PDXDC1: variants seen among roughly 807,000 people sequenced by gnomAD.
The protein encoded by PDXDC1 is pyridoxal-dependent decarboxylase domain-containing protein 1.
A neutral mutation model predicts 100.1 loss-of-function variants in PDXDC1; 42 were observed. The observed-to-expected ratio is 0.42, with a 90% CI of 0.33 to 0.54. The LOEUF (loss-of-function observed/expected upper bound fraction) is 0.54, where lower values mean the gene tolerates loss of function less well. Among genes scored for constraint, PDXDC1 ranks in the 20% least tolerant of loss-of-function variants. The pLI, the probability that PDXDC1 is intolerant of heterozygous loss-of-function variation, is 0.10. For missense variants in PDXDC1, 636 were observed against 979.2 expected, an observed-to-expected ratio of 0.65 and a Z score of 4.68; for synonymous variants, 260 against 371.7, an observed-to-expected ratio of 0.70 and a Z score of 3.46.
intron 7 of PDXDC1, 137 bp downstream of exon 7, chr16:15,008,984 T>C (rs1394964884): frequency 4.5e-6 from 4 of 894,192 alleles, no homozygotes; most frequent in African/African-American, 1.7e-5. Flanking sequence ...TTGTGTAATA[T>C]ATGCTTCTGT....
intron 12 of PDXDC1, among the ~76,000 whole-genome samples, chr16:15,021,157 A>T (rs1437153112): frequency 2.3e-4 from 35 of 152,382 alleles, no homozygotes; most frequent in Admixed American, 1.8e-3. Flanking sequence ...CAGGTGGATC[A>T]CTTAAACCTC....
intron 17 of PDXDC1, 142 bp from the exon 18 acceptor site, chr16:15,032,719 G>T: frequency 9.7e-6 from 5 of 516,110 alleles, no homozygotes; most frequent in Non-Finnish European, 1.4e-5. Context: ...CAGAAAGTTT[G>T]TGGTCTGGAG....
chr16:15,024,049 A>G (rs1308899103), intron 13 of PDXDC1, among the ~76,000 whole-genome samples: 3 of 152,274 alleles, frequency 2.0e-5, no homozygotes, highest in Non-Finnish European at 4.4e-5. Flanking sequence ...TTCCTCAGTC[A>G]TCGCTGCTCC....
intron 1 of PDXDC1, among the ~76,000 whole-genome samples, chr16:14,982,532 G>C (rs1234288064): frequency 5.9e-5 from 9 of 152,274 alleles, no homozygotes; most frequent in Admixed American, 4.6e-4. Flanking sequence ...TTGTGCCACT[G>C]CAACAGAGTG....
chr16:15,088,299 G>T (rs1446769450), intron 16 of PDXDC1, among the ~76,000 whole-genome samples: 2 of 152,092 alleles, frequency 1.3e-5, no homozygotes, highest in African/African-American at 4.8e-5. Context: ...AACATGGGGA[G>T]ACCTCATCTC....
intron 12 of PDXDC1, among the ~76,000 whole-genome samples, chr16:15,020,266 AG>A (rs2042090415): frequency 6.6e-6 from 1 of 152,296 alleles, no homozygotes; most frequent in South Asian, 2.1e-4. Context: ...GGATGGCTCG[AG>A]GAACGAATAC....
At chr16:15,001,090 C>T (rs1218761062) in intron 3 of PDXDC1, among the ~76,000 whole-genome samples, 12 of 152,246 alleles carry the variant, frequency 7.9e-5, no homozygotes, top group African/African-American at 2.9e-4. Flanking sequence ...CAAGGTGGCT[C>T]AGGCCTGTAA....
At chr16:15,144,063 G>GGCCCCAT (rs886879638), downstream of PDXDC1, among the ~76,000 whole-genome samples, 1 of 152,184 alleles carries the variant, frequency 6.6e-6, no homozygotes, top group African/African-American at 2.4e-5. Flanking sequence ...GACCCAGGGA[G>GGCCCCAT]GCCCCATGCC....
intron 16 of PDXDC1, chr16:15,136,488 G>A: frequency 2.7e-6 from 2 of 741,572 alleles, no homozygotes; most frequent in South Asian, 3.7e-5. Flanking sequence ...CTCCTCCTGA[G>A]ACTCCCCAGC....
At chr16:15,018,396 G>A (rs376198721) in intron 11 of PDXDC1, among the ~76,000 whole-genome samples, 1 of 152,366 alleles carries the variant, frequency 6.6e-6, no homozygotes, top group African/African-American at 2.4e-5. Flanking sequence ...GCGACAGAAT[G>A]AAAACGAAAC....
At chr16:15,132,351 GA>G (rs1432746685) in intron 16 of PDXDC1, among the ~76,000 whole-genome samples, 1 of 21,104 alleles carries the variant, frequency 4.7e-5, no homozygotes, top group East Asian at 1.8e-3. Flanking sequence ...GGGGCTAGGG[GA>G]GGGGGGAGGG....
intron 16 of PDXDC1, chr16:15,125,817 G>T (rs1384640351): frequency 4.0e-5 from 43 of 1,084,460 alleles, no homozygotes; most frequent in Non-Finnish European, 5.7e-5. Flanking sequence ...CCTGCAGGAC[G>T]ACAGCAGTGG....
intron 16 of PDXDC1, chr16:15,103,397 C>T: frequency 1.6e-6 from 1 of 621,476 alleles, no homozygotes; most frequent in Admixed American, 2.9e-5. Context: ...CCGAGTATCC[C>T]CTGGGCACCC....
the PDXDC1 span, among the ~76,000 whole-genome samples, chr16:15,145,187 G>T: frequency 6.6e-6 from 1 of 152,190 alleles, no homozygotes; most frequent in Non-Finnish European, 1.5e-5. Context: ...TGGTGGGGGG[G>T]GCCAAGCAAA....
At position 15,130,347 on chromosome 16, in the gene PDXDC1, C is replaced by T. The variant is rs772337639; in HGVS notation, c.1400-8532C>T. On this transcript the variant is annotated intron_variant, in intron 16 of 16. Transcript: ENST00000535621. ...TGTCCGCCACACCACGTCCTCCTCG[C>T]TGAAGTACTGGCACAGGGACGTGTA... The T allele has an allele frequency of 2.6e-6, 4 of 1,556,548 alleles. No individual in the cohort carries two copies. The East Asian group carries it at 7.3e-5, about 28-fold the overall frequency.
intron 16 of PDXDC1, chr16:15,044,434 G>A: frequency 6.5e-7 from 1 of 1,543,518 alleles, no homozygotes; most frequent in Non-Finnish European, 9.0e-7. Flanking sequence ...ACGGGTCAGA[G>A]GCCAGAAGAA....
rs755269966 is a variant in PDXDC1 at position 15,031,923 on chromosome 16, C to T, written c.1571+17C>T. 6 of 1,576,608 alleles carry T rather than the reference C, an allele frequency of 3.8e-6. No homozygotes were observed. In the South Asian group the frequency reaches 6.8e-5, roughly 18 times the overall value. On this transcript the variant is annotated intron_variant, in intron 17 of 22. Transcript: ENST00000396410. Reference sequence around the variant, plus strand: ...GGTTGTCAGGTAAAGTCTTGGCCTGCCGCTTGATGTTGGAGACTTTTCTGT... The same window carrying T: ...GGTTGTCAGGTAAAGTCTTGGCCTGTCGCTTGATGTTGGAGACTTTTCTGT...
At chr16:15,125,284 G>A (rs557438027) in intron 16 of PDXDC1, 164 of 628,018 alleles carry the variant, frequency 2.6e-4, no homozygotes, top group African/African-American at 4.6e-4. Context: ...GAGCAGGTCC[G>A]GCCAACTGGG....
At chr16:15,010,431 C>T (rs1330052775) in intron 8 of PDXDC1, 2 of 154,686 alleles carry the variant, frequency 1.3e-5, no homozygotes, top group African/African-American at 2.4e-5. Flanking sequence ...AAGATGTTGG[C>T]TTAAGCTCAG....
Sources: allele counts gnomAD v4.1 joint callset (sites outside exome capture counted in the v4.1 genomes callset), GRCh38; gene constraint gnomAD v4.1.1; transcripts MANE v1.5; gene names NCBI Gene and HGNC (gene_info 2026-07-23, HGNC 2026-07-21).